Variants in MAD2L2 observed in about 807,000 individuals in gnomAD.
MAD2L2 encodes the protein mitotic arrest deficient 2 like 2.
MAD2L2 carries 17 observed loss-of-function variants against 30.5 expected under a neutral mutation model. The observed-to-expected ratio is 0.56, with a 90% CI of 0.38 to 0.84. The LOEUF (loss-of-function observed/expected upper bound fraction) is 0.84, where lower values mean the gene tolerates loss of function less well. MAD2L2 is among the 40% of genes least tolerant of loss of function. The pLI is 0.00. For synonymous variants in MAD2L2, 101 were observed against 113.9 expected, an observed-to-expected ratio of 0.89 and a Z score of 0.72; for missense variants, 213 against 277.4, an observed-to-expected ratio of 0.77 and a Z score of 1.65.
chr1:11,689,529 G>A (rs902642825), intron 1 of MAD2L2, among the ~76,000 whole-genome samples: 8 of 152,120 alleles, frequency 5.3e-5, no homozygotes, highest in Non-Finnish European at 1.2e-4. Context: ...CCGGGAGGTG[G>A]AGGTTGCAGT....
At chr1:11,680,073 G>A (rs1640844057) in intron 3 of MAD2L2, among the ~76,000 whole-genome samples, 1 of 133,000 alleles carries the variant, frequency 7.5e-6, no homozygotes, top group Non-Finnish European at 1.5e-5. Flanking sequence ...TCGGCTCACT[G>A]CAACCTCCGC....
intron 6 of MAD2L2, 39 bp from the exon 7 acceptor site, chr1:11,675,770 C>G: frequency 6.4e-7 from 1 of 1,560,354 alleles, no homozygotes; most frequent in South Asian, 1.1e-5. Flanking sequence ...CCCCCACCGC[C>G]CTGGTGCCAG....
intron 3 of MAD2L2, among the ~76,000 whole-genome samples, chr1:11,678,218 C>T (rs1640805972): frequency 6.6e-6 from 1 of 152,050 alleles, no homozygotes; most frequent in Non-Finnish European, 1.5e-5. Context: ...AGTTTGAGAC[C>T]AGCCTGGCCA....
chr1:11,677,361 G>T, intron 4 of MAD2L2, 182 bp downstream of exon 4: 1 of 644,398 alleles, frequency 1.6e-6, no homozygotes. Flanking sequence ...TGGCCCGCAT[G>T]CCTTGGGGCC....
At chr1:11,676,971 T>G in intron 4 of MAD2L2, 23 bp from the exon 5 acceptor site, 1 of 1,586,264 alleles carries the variant, frequency 6.3e-7, no homozygotes, top group East Asian at 2.2e-5. Context: ...GAACCCCCAC[T>G]GCAGAGCCAG....
chr1:11,676,993 C>T, intron 4 of MAD2L2, 45 bp from the exon 5 acceptor site: 1 of 1,421,290 alleles, frequency 7.0e-7, no homozygotes, highest in East Asian at 2.3e-5. Context: ...CACCCCACCC[C>T]GACTACACCA....
chr1:11,683,204 C>T (rs1191926151), upstream of MAD2L2, among the ~76,000 whole-genome samples: 5 of 152,068 alleles, frequency 3.3e-5, no homozygotes, highest in African/African-American at 7.2e-5. Flanking sequence ...CAAGTCAGGC[C>T]CTCCCTCCAT....
chr1:11,676,838 G>A lies in MAD2L2; in HGVS notation c.332+10C>T. On this transcript the variant is annotated intron_variant, in intron 5 of 8. Transcript: ENST00000376692. ...TGCCAGCTAGTGGGCGAGGGGCAGG[G>A]GCAGCCCACCTGATGGACAGCAGTG... The A allele has an allele frequency of 1.2e-6, 2 of 1,608,626 alleles. No homozygotes were observed. The highest frequency in any genetic ancestry group is 1.7e-6 in the Non-Finnish European group (2 of 1,174,980).
upstream of MAD2L2, chr1:11,681,928 C>T (rs1640887443): frequency 6.6e-6 from 1 of 152,204 alleles, no homozygotes; most frequent in Non-Finnish European, 1.5e-5. Flanking sequence ...GCCGAGGTGC[C>T]TCCTGCCACT....
At position 11,680,944 on chromosome 1, in the gene MAD2L2, G is replaced by C. The variant is rs368736707; in HGVS notation, c.-13+95C>G. Reference sequence around the variant, plus strand: ...GGGCCGGGAGCGCAAAGCGGGACATGCGGAAAGCGAAGCGGGGTTGGAATA... The same window carrying C: ...GGGCCGGGAGCGCAAAGCGGGACATCCGGAAAGCGAAGCGGGGTTGGAATA... On this transcript the variant is annotated intron_variant, in intron 1 of 8. Coordinates refer to ENST00000376692, the MANE Select transcript of MAD2L2 (RefSeq NM_006341.4). The C allele has an allele frequency of 9.6e-5, 29 of 302,532 alleles. 3 individuals are homozygous for C. The highest frequency in any genetic ancestry group is 1.7e-4 in the African/African-American group (8 of 45,730). The allele number at this position is 302,532 out of a possible 1,614,324, so 18.7% of individuals were successfully genotyped here.
In MAD2L2 at chr1:11,687,055, A is replaced by AT. The variant is rs999445253; in HGVS notation, c.-692+4357dup. Among the ~76,000 whole-genome samples the AT allele has an allele frequency of 1.3e-5, 2 of 151,552 alleles. No individual in the cohort carries two copies. The highest frequency in any genetic ancestry group is 2.4e-5 in the African/African-American group (1 of 41,154). ...TACTTTCTGTTCTATGGATTGTCCAATTTTTTTATTTTTTTATTTTATTTT... is the reference window on the plus strand; with the variant it reads ...TACTTTCTGTTCTATGGATTGTCCAATTTTTTTTATTTTTTTATTTTATTTT... On this transcript the variant is annotated intron_variant, in intron 1 of 10. Coordinates refer to the MAD2L2 transcript ENST00000235310. This position sits in a 1 kb window ranked among gnomAD's most constrained non-coding sequence, Gnocchi z 4.1.
rs116249410 is a variant in MAD2L2 at position 11,688,643 on chromosome 1, A to C, written c.-692+2770T>G. ...TCTCTGCTCTGCTCATGGTCCCTCT[A>C]AAAAGCTCAAGTCCTCCCTGTGGCC... On this transcript the variant is annotated intron_variant, in intron 1 of 10. Transcript: ENST00000235310. The surrounding 1 kb of genome is among the most constrained non-coding windows in gnomAD (Gnocchi z 4.6). 2.6e-3 allele frequency among the ~76,000 whole-genome samples: 403 copies of C among 152,254 alleles called. 1 individual carries two copies. Among genetic ancestry groups the C allele is most frequent in the South Asian group, 0.015 (70 of 4,826 alleles).
intron 1 of MAD2L2, among the ~76,000 whole-genome samples, chr1:11,686,743 G>A (rs1247880933): frequency 1.4e-4 from 19 of 136,146 alleles, no homozygotes; most frequent in African/African-American, 4.9e-4. Flanking sequence ...GGAGTGTCCA[G>A]ATATATTCAG....
chr1:11,677,362 C>A (rs997908177), intron 4 of MAD2L2, 181 bp downstream of exon 4: 3 of 649,154 alleles, frequency 4.6e-6, no homozygotes, highest in Admixed American at 5.7e-5. Context: ...GGCCCGCATG[C>A]CTTGGGGCCT....
intron 3 of MAD2L2, among the ~76,000 whole-genome samples, chr1:11,679,783 TCC>T (rs1273453941): frequency 1.3e-5 from 2 of 152,002 alleles, no homozygotes; most frequent in African/African-American, 4.8e-5. Flanking sequence ...CGCCTCAGCC[TCC>T]CAAAGTGCTG....
At chr1:11,677,261 C>T (rs1045058667) in intron 4 of MAD2L2, 5 of 596,246 alleles carry the variant, frequency 8.4e-6, no homozygotes, top group South Asian at 6.4e-5. Flanking sequence ...GAACAGGGGA[C>T]GGATGTGAGA....
In MAD2L2 at chr1:11,677,538, C is replaced by T. The variant is rs1640792257; in HGVS notation, c.231+5G>A. The T allele has an allele frequency of 6.2e-7, 1 of 1,613,888 alleles. No homozygotes were observed. Among genetic ancestry groups the T allele is most frequent in the African/African-American group, 1.3e-5 (1 of 75,074 alleles). On this transcript the variant is annotated splice_donor_5th_base_variant and intron_variant, in intron 4 of 8. Coordinates refer to ENST00000376692, the MANE Select transcript of MAD2L2 (RefSeq NM_006341.4). ...AGATGGCTGGGGAGCCCAGTGCACCCTCACCTTCTCCAGGAGTGGCTTGAC... is the reference window on the plus strand; with the variant it reads ...AGATGGCTGGGGAGCCCAGTGCACCTTCACCTTCTCCAGGAGTGGCTTGAC...
At position 11,688,606 on chromosome 1, in the gene MAD2L2, A is replaced by C. The variant is rs1188166751; in HGVS notation, c.-692+2807T>G. ...AATCAGCAAACCTGCTAAAAACCTAAGTCGGATCATGTCTCTGCTCTGCTC... is the reference window on the plus strand; with the variant it reads ...AATCAGCAAACCTGCTAAAAACCTACGTCGGATCATGTCTCTGCTCTGCTC... On this transcript the variant is annotated intron_variant, in intron 1 of 10. Transcript: ENST00000235310. This position sits in a 1 kb window ranked among gnomAD's most constrained non-coding sequence, Gnocchi z 4.6. Among the ~76,000 whole-genome samples, 2 of 152,058 alleles carry C rather than the reference A, an allele frequency of 1.3e-5. No homozygotes were observed. Among genetic ancestry groups the C allele is most frequent in the African/African-American group, 4.8e-5 (2 of 41,384 alleles).
exon 1 of MAD2L2, chr1:11,691,475 C>G (rs1641064516): frequency 6.6e-6 from 1 of 152,576 alleles, no homozygotes; most frequent in African/African-American, 2.4e-5. Flanking sequence ...CCGCCTTTGT[C>G]TGCCTCCTTT....
Sources: allele counts gnomAD v4.1 joint callset (sites outside exome capture counted in the v4.1 genomes callset), GRCh38; gene constraint gnomAD v4.1.1; non-coding constraint Gnocchi (gnomAD v3.1); transcripts MANE v1.5; gene names NCBI Gene and HGNC (gene_info 2026-07-23, HGNC 2026-07-21).